The following KCNH2 variants were observed in gnomAD, a reference collection of about 807,000 sequenced individuals.
The protein encoded by KCNH2 is voltage-gated inwardly rectifying potassium channel KCNH2.
In KCNH2, 35 loss-of-function variants were observed where a neutral mutation model predicts 95.9. The observed-to-expected ratio is 0.37, with a 90% CI of 0.28 to 0.48. The LOEUF is 0.48. Among genes scored for constraint, KCNH2 ranks in the 20% least tolerant of loss-of-function variants. The pLI is 0.99. For missense variants in KCNH2, 1,274 were observed against 1,702.9 expected, an observed-to-expected ratio of 0.75 and a Z score of 4.43; for synonymous variants, 786 against 754.7, an observed-to-expected ratio of 1.04 and a Z score of -0.68.
chr7:150,954,101 C>T (rs761082844), intron 5 of KCNH2, among the ~76,000 whole-genome samples: 4 of 152,294 alleles, frequency 2.6e-5, no homozygotes, highest in African/African-American at 4.8e-5. Flanking sequence ...GGGCCTCCAG[C>T]GGTACCAGAT....
chr7:150,951,191 G>T, intron 7 of KCNH2, 71 bp from the exon 8 acceptor site: 2 of 1,335,886 alleles, frequency 1.5e-6, no homozygotes, highest in Non-Finnish European at 2.1e-6. Flanking sequence ...CCCTGCTCAG[G>T]CCCCGCACCA....
At position 150,946,328 on chromosome 7, in the gene KCNH2, G is replaced by A. The variant is rs1044026332; in HGVS notation, c.3330+549C>T. Among the ~76,000 whole-genome samples the A allele has an allele frequency of 3.3e-5, 5 of 152,160 alleles. No individual in the cohort carries two copies. Among genetic ancestry groups the A allele is most frequent in the Non-Finnish European group, 4.4e-5 (3 of 68,014 alleles). Reference sequence around the variant, plus strand: ...CAGGCCCAGGAAGTCCTCCCCTGGAGGCTTGGCCTCTGCACCCTGGGAAAT... The same window carrying A: ...CAGGCCCAGGAAGTCCTCCCCTGGAAGCTTGGCCTCTGCACCCTGGGAAAT... On this transcript the variant is annotated intron_variant, in intron 14 of 14. Coordinates refer to ENST00000262186, the MANE Select transcript of KCNH2 (RefSeq NM_000238.4). The surrounding 1 kb of genome is among the most constrained non-coding windows in gnomAD (Gnocchi z 6.5).
rs1554425573 is a variant in KCNH2 at position 150,951,121 on chromosome 7, C to CTGGGGGCGTGGGCACG, written c.1946-17_1946-2dup. ...CCGAAGATGCTAGCATACATGAGGG[C>CTGGGGGCGTGGGCACG]TGGGGGCGTGGGCACGTGGGGCCGT... is the stretch of plus-strand genomic sequence containing the variant. On this transcript the variant is annotated splice_acceptor_variant, in intron 7 of 14. Coordinates refer to ENST00000262186, the MANE Select transcript of KCNH2 (RefSeq NM_000238.4). LOFTEE classifies it high-confidence loss of function. 1 of 1,600,616 alleles carries CTGGGGGCGTGGGCACG rather than the reference C, an allele frequency of 6.2e-7. No homozygotes were observed. The highest frequency in any genetic ancestry group is 8.5e-7 in the Non-Finnish European group (1 of 1,172,162).
intron 5 of KCNH2, among the ~76,000 whole-genome samples, chr7:150,954,937 G>A (rs960310428): frequency 1.3e-5 from 2 of 152,124 alleles, no homozygotes; most frequent in Non-Finnish European, 1.5e-5. Flanking sequence ...CAGCCTCCTC[G>A]ACCCCCCAAA....
At position 150,978,257 on chromosome 7, in the gene KCNH2, C is replaced by G. The variant is rs1584886363; in HGVS notation, c.-344G>C. 2.0e-5 allele frequency: 3 copies of G among 146,470 alleles called. No individual in the cohort carries two copies. The South Asian group carries it at 6.2e-4, about 30-fold the overall frequency. 9.1% of individuals were successfully genotyped at this position (146,470 alleles called of 1,614,324 possible). ...TCCTGGCTCCCGCCTGCCACCGCGC[C>G]GACAGCCGCTCCAGCGCCCGCGGCT... is the stretch of plus-strand genomic sequence containing the variant. On this transcript the variant is annotated 5_prime_UTR_variant, in exon 1 of 15. Coordinates refer to ENST00000262186, the MANE Select transcript of KCNH2 (RefSeq NM_000238.4).
rs1801298224 is a variant in KCNH2 at position 150,954,481 on chromosome 7, C to T, written c.1129-1628G>A. Among the ~76,000 whole-genome samples the T allele has an allele frequency of 3.9e-5, 6 of 152,294 alleles. No individual in the cohort carries two copies. In the South Asian group the frequency reaches 1.2e-3, roughly 32 times the overall value. On this transcript the variant is annotated intron_variant, in intron 5 of 14. Transcript: ENST00000262186. The stretch of plus-strand genomic sequence containing the variant: ...GGTACAAACTCACACGTGCATGGGG[C>T]ACACCTGACAGGGGCCAGTCCCAGC...
chr7:150,974,593 T>G, intron 2 of KCNH2, 118 bp downstream of exon 2: 1 of 856,486 alleles, frequency 1.2e-6, no homozygotes, highest in Non-Finnish European at 1.8e-6. Context: ...CTGCCCGGGC[T>G]CGGGGCGTTC....
chr7:150,952,812 C>A lies in KCNH2; in HGVS notation c.1170G>T (p.Leu390=). 1 of 1,614,022 alleles carries A rather than the reference C, an allele frequency of 6.2e-7. No individual in the cohort carries two copies. Among genetic ancestry groups the A allele is most frequent in the Admixed American group, 1.7e-5 (1 of 60,010 alleles). ...LGADVLPEYK[L]QAPRIHRWTI... ...TCCAGCGGTGGATGCGCGGTGCCTG[C>A]AGCTTGTACTCAGGCAGCACGTCGG... The change falls in exon 6 of 15, where the codon CTG becomes CTT. Residue 390 remains leucine (L), a synonymous_variant. Coordinates refer to ENST00000262186, the MANE Select transcript of KCNH2 (RefSeq NM_000238.4). The surrounding 1 kb of genome is among the most constrained non-coding windows in gnomAD (Gnocchi z 7.3).
chr7:150,951,882 C>A, intron 6 of KCNH2, 47 bp from the exon 7 acceptor site: 1 of 1,511,860 alleles, frequency 6.6e-7, no homozygotes, highest in Non-Finnish European at 8.9e-7. Context: ...GCAAGGGGGG[C>A]AAGGGAGGAG....
At position 150,958,046 on chromosome 7, in the gene KCNH2, G is replaced by A. The variant is rs2117002169; in HGVS notation, c.916+13C>T. 1.6e-6 allele frequency: 2 copies of A among 1,263,650 alleles called. No homozygotes were observed. The highest frequency in any genetic ancestry group is 3.4e-5 in the South Asian group (1 of 29,790). The allele number at this position is 1,263,650 out of a possible 1,614,324, so 78.3% of individuals were successfully genotyped here. On this transcript the variant is annotated intron_variant, in intron 4 of 14. Transcript: ENST00000262186. ...CGTGGGCTGGGGCGGAACGGGTCCC[G>A]CGGCGCCCTCACCGGTGCTGGCGTG...
rs1801437545 is a variant in KCNH2 at position 150,958,076 on chromosome 7, G to A, written c.899C>T (p.Pro300Leu). 7.8e-7 allele frequency: 1 copy of A among 1,274,564 alleles called. No homozygotes were observed. The highest frequency in any genetic ancestry group is 9.9e-7 in the Non-Finnish European group (1 of 1,014,416). 79.0% of individuals were successfully genotyped at this position (1,274,564 alleles called of 1,614,324 possible). A position where few individuals can be genotyped will look rare whatever the true frequency, so the allele number is the denominator to read the frequency against. Residue 300 changes from proline (P) to leucine (L), a missense_variant, in exon 4 of 15, where the codon CCG becomes CTG. Physicochemically the swap from Pro to Leu is moderately conservative, Grantham distance 98 (BLOSUM62 -3). This residue lies in a region of KCNH2 where 392 missense variants were observed against 429.9 expected (regional missense o/e 0.91). Transcript: ENST00000262186. ...GCCCTCACCGGTGCTGGCGTGGCGC[G>A]GTGGCGGGGGCAGCACCCCGGCGCG... Reference protein sequence around the residue: ...AMRAGVLPPPPRHASTGAMHP... With the variant: ...AMRAGVLPPPLRHASTGAMHP...
At chr7:150,947,081 G>A (rs1204923678) in intron 13 of KCNH2, 27 bp from the exon 14 acceptor site, 1 of 1,374,042 alleles carries the variant, frequency 7.3e-7, no homozygotes, top group African/African-American at 1.5e-5. Flanking sequence ...GGGATGCTCA[G>A]AGAAGTGGGG....
chr7:150,958,567 G>A (rs1042208858), intron 3 of KCNH2, 65 bp from the exon 4 acceptor site: 6 of 1,349,766 alleles, frequency 4.4e-6, no homozygotes, highest in Non-Finnish European at 5.8e-6. Context: ...GCAAGGCCTG[G>A]GAAATGGACC....
At chr7:150,972,399 C>A (rs149070889) in intron 2 of KCNH2, among the ~76,000 whole-genome samples, 2 of 152,238 alleles carry the variant, frequency 1.3e-5, no homozygotes. Context: ...CACGCACACA[C>A]GCAGCCCAAG....
chr7:150,963,278 C>T (rs1801616550), intron 2 of KCNH2, among the ~76,000 whole-genome samples: 1 of 152,184 alleles, frequency 6.6e-6, no homozygotes. Context: ...AGGGAGGGGG[C>T]ATGGGCTGTG....
intron 2 of KCNH2, 44 bp downstream of exon 2, chr7:150,974,667 T>A: frequency 4.8e-6 from 4 of 827,318 alleles, no homozygotes; most frequent in East Asian, 5.9e-5. Context: ...CCCGCCCCTC[T>A]TGACCCCGCC....
At chr7:150,958,575 A>C in intron 3 of KCNH2, 73 bp from the exon 4 acceptor site, 1 of 1,287,794 alleles carries the variant, frequency 7.8e-7, no homozygotes, top group Non-Finnish European at 1.0e-6. Context: ...TGGGAAATGG[A>C]CCCCCAGCCG....
At position 150,951,622 on chromosome 7, in the gene KCNH2, C is replaced by T. The variant is rs376319070; in HGVS notation, c.1771G>A (p.Asp591Asn). The T allele has an allele frequency of 6.8e-6, 11 of 1,614,232 alleles. No individual in the cohort carries two copies. The highest frequency in any genetic ancestry group is 1.3e-5 in the African/African-American group (1 of 75,064). ...CTGTTGTAGGGTTTGCCTATCTGGTCGCCCAGGTTGTGCAGCCAGCCGATG... is the reference window on the plus strand; with the variant it reads ...CTGTTGTAGGGTTTGCCTATCTGGTTGCCCAGGTTGTGCAGCCAGCCGATG... Reference protein sequence around the residue: ...SRIGWLHNLGDQIGKPYNSSG... With the variant: ...SRIGWLHNLGNQIGKPYNSSG... Residue 591 changes from aspartate to asparagine, a missense_variant, in exon 7 of 15, where the codon GAC becomes AAC. Coordinates refer to ENST00000262186, the MANE Select transcript of KCNH2 (RefSeq NM_000238.4).
At chr7:150,949,593 A>C (rs1801055008) in intron 9 of KCNH2, 1 of 1,073,360 alleles carries the variant, frequency 9.3e-7, no homozygotes, top group African/African-American at 1.7e-5. Flanking sequence ...CAAAGTCTAA[A>C]ATGTCCTACC....
Sources: gnomAD v4.1 joint callset for allele counts (sites outside exome capture counted in the v4.1 genomes callset) on GRCh38, gnomAD v4.1.1 for gene constraint, gnomAD v4.1.1 regional missense constraint, Gnocchi (gnomAD v3.1) non-coding constraint, MANE v1.5 for transcripts, NCBI Gene and HGNC (gene_info 2026-07-23, HGNC 2026-07-21) for gene names.